The following CRY1 variants were observed in gnomAD, a reference collection of about 807,000 sequenced individuals.
CRY1 encodes the protein cryptochrome-1.
In CRY1, 45 loss-of-function variants were observed where a neutral mutation model predicts 76.0. The observed-to-expected ratio is 0.59, with a 90% CI of 0.47 to 0.76. The LOEUF (loss-of-function observed/expected upper bound fraction) is 0.76. CRY1 is among the 30% of genes least tolerant of loss of function. The pLI, the probability that CRY1 is intolerant of heterozygous loss-of-function variation, is 0.00. For missense variants in CRY1, 587 were observed against 716.4 expected, an observed-to-expected ratio of 0.82 and a Z score of 2.06; for synonymous variants, 248 against 244.0, an observed-to-expected ratio of 1.02 and a Z score of -0.15.
At chr12:107,092,750 T>C in intron 1 of CRY1, 54 bp downstream of exon 1, 1 of 1,601,138 alleles carries the variant, frequency 6.2e-7, no homozygotes, top group African/African-American at 1.3e-5. Context: ...TGGAATTCAT[T>C]AACATCAGAC....
chr12:107,080,649 T>TAA (rs556057310), intron 1 of CRY1, among the ~76,000 whole-genome samples: 13 of 149,964 alleles, frequency 8.7e-5, no homozygotes, highest in African/African-American at 2.5e-4. Context: ...CAAACATTGT[T>TAA]AAAAAAAAAT....
chr12:107,071,903 C>G (rs1953194216), intron 1 of CRY1, among the ~76,000 whole-genome samples: 1 of 151,854 alleles, frequency 6.6e-6, no homozygotes, highest in Non-Finnish European at 1.5e-5. Context: ...CCTAGAATAA[C>G]CAATAAACAC....
chr12:107,055,258 T>G (rs185111082), intron 1 of CRY1, among the ~76,000 whole-genome samples: 37 of 152,214 alleles, frequency 2.4e-4, no homozygotes, highest in African/African-American at 8.2e-4. Flanking sequence ...CTTTGCATGT[T>G]TGGAATATAA....
rs1473107771 is a variant in CRY1, at chr12:106,991,903, C to G, written c.*99G>C. On this transcript the variant is annotated 3_prime_UTR_variant, in exon 13 of 13. Transcript: ENST00000008527. Reference sequence around the variant, plus strand: ...AGAAACAACATATTTCAATATGTAACTGCTTTCCATCAATGAAGAATATTT... The same window carrying G: ...AGAAACAACATATTTCAATATGTAAGTGCTTTCCATCAATGAAGAATATTT... 6.6e-6 allele frequency: 1 copy of G among 152,470 alleles called. No individual in the cohort carries two copies. The highest frequency in any genetic ancestry group is 1.5e-5 in the Non-Finnish European group (1 of 67,974). 9.4% of individuals were successfully genotyped at this position (152,470 alleles called of 1,614,324 possible). A position where few individuals can be genotyped will look rare whatever the true frequency, so the allele number is the denominator to read the frequency against.
intron 1 of CRY1, among the ~76,000 whole-genome samples, chr12:107,048,551 A>G (rs1383956281): frequency 6.6e-6 from 1 of 152,162 alleles, no homozygotes; most frequent in East Asian, 1.9e-4. Flanking sequence ...TGGGATTTCA[A>G]TACAAACATT....
intron 2 of CRY1, among the ~76,000 whole-genome samples, chr12:107,009,179 G>T (rs1484666213): frequency 6.6e-6 from 1 of 151,964 alleles, no homozygotes; most frequent in Non-Finnish European, 1.5e-5. Context: ...TATATTAATT[G>T]ATTTTTTTAA....
At chr12:107,042,189 CAACTAAT>C (rs1436908735) in intron 1 of CRY1, among the ~76,000 whole-genome samples, 1 of 151,896 alleles carries the variant, frequency 6.6e-6, no homozygotes, top group African/African-American at 2.4e-5. Context: ...AGAAGAATTC[CAACTAAT>C]AAATATAGGA....
chr12:107,023,412 T>C (rs928191412), intron 1 of CRY1, among the ~76,000 whole-genome samples: 3 of 152,216 alleles, frequency 2.0e-5, no homozygotes, highest in African/African-American at 7.2e-5. Context: ...CTGGCTACCA[T>C]ACTGAACAGT....
At chr12:107,072,013 G>A (rs1298862794) in intron 1 of CRY1, among the ~76,000 whole-genome samples, 1 of 152,074 alleles carries the variant, frequency 6.6e-6, no homozygotes, top group Non-Finnish European at 1.5e-5. Flanking sequence ...ACAAAAAAAA[G>A]CATTGGAAGA....
intron 2 of CRY1, among the ~76,000 whole-genome samples, chr12:107,012,974 G>T (rs1228683886): frequency 6.6e-6 from 1 of 152,206 alleles, no homozygotes. Flanking sequence ...GCTTTCTATG[G>T]ATGAGCAAGA....
rs543721403 is a variant in CRY1, at chr12:107,052,760, T to C, written c.159-30568A>G. Among the ~76,000 whole-genome samples, 25 of 152,304 alleles carry C rather than the reference T, an allele frequency of 1.6e-4. No individual in the cohort carries two copies. The South Asian group carries it at 5.2e-3, about 32-fold the overall frequency. On this transcript the variant is annotated intron_variant, in intron 1 of 12. Transcript: ENST00000008527. The stretch of plus-strand genomic sequence containing the variant: ...CAGGTGAAGAACATGCATGGCACTT[T>C]AAAAAGAATACTCAAAAAACCAGTA...
chr12:107,070,451 G>T (rs1427280687), intron 1 of CRY1, among the ~76,000 whole-genome samples: 2 of 151,856 alleles, frequency 1.3e-5, no homozygotes, highest in Admixed American at 1.3e-4. Context: ...GTTACAAAAA[G>T]ATAAATATAT....
At chr12:107,067,713 G>C (rs908285941) in intron 1 of CRY1, among the ~76,000 whole-genome samples, 1 of 152,150 alleles carries the variant, frequency 6.6e-6, no homozygotes, top group African/African-American at 2.4e-5. Flanking sequence ...AGATTAATGG[G>C]GGGAAGAAGG....
intron 1 of CRY1, among the ~76,000 whole-genome samples, chr12:107,059,792 C>T (rs542318190): frequency 3.3e-5 from 5 of 152,328 alleles, no homozygotes; most frequent in Admixed American, 6.5e-5. Flanking sequence ...ACAGGTAAGG[C>T]TCTGCATTTA....
intron 1 of CRY1, among the ~76,000 whole-genome samples, chr12:107,028,504 C>T (rs369449882): frequency 7.9e-5 from 12 of 152,244 alleles, no homozygotes; most frequent in African/African-American, 2.9e-4. Flanking sequence ...GCAATGCCCT[C>T]TTTTAAATCC....
At chr12:107,021,615 A>G (rs1007536782) in intron 2 of CRY1, among the ~76,000 whole-genome samples, 2 of 152,172 alleles carry the variant, frequency 1.3e-5, no homozygotes, top group African/African-American at 4.8e-5. Flanking sequence ...ATGGCAGAGA[A>G]TGGTGTGTAT....
intron 1 of CRY1, among the ~76,000 whole-genome samples, chr12:107,076,882 C>T (rs943438400): frequency 2.6e-5 from 4 of 152,020 alleles, no homozygotes; most frequent in African/African-American, 9.7e-5. Context: ...CACCTCCCCC[C>T]GACTCTCTTG....
chr12:107,055,070 C>G (rs1396438518), intron 1 of CRY1, among the ~76,000 whole-genome samples: 1 of 151,766 alleles, frequency 6.6e-6, no homozygotes, highest in Non-Finnish European at 1.5e-5. Flanking sequence ...AAGAATATCC[C>G]GTCTAATAAC....
At chr12:107,069,620 T>C (rs1476046962) in intron 1 of CRY1, among the ~76,000 whole-genome samples, 12 of 89,940 alleles carry the variant, frequency 1.3e-4, no homozygotes, top group African/African-American at 6.6e-4. Flanking sequence ...ATAAAAAGTA[T>C]ATATATATAA....
Sources: gnomAD v4.1 joint callset for allele counts (sites outside exome capture counted in the v4.1 genomes callset) on GRCh38, gnomAD v4.1.1 for gene constraint, MANE v1.5 for transcripts, NCBI Gene and HGNC (gene_info 2026-07-23, HGNC 2026-07-21) for gene names.